The following TRAF3IP3 variants were observed in gnomAD, a reference collection of about 807,000 sequenced individuals.
The protein encoded by TRAF3IP3 is TRAF3 interacting protein 3.
TRAF3IP3 carries 64 observed loss-of-function variants against 86.5 expected under a neutral mutation model. The observed-to-expected ratio is 0.74, with a 90% CI of 0.60 to 0.91. The LOEUF is 0.91. Ranked by LOEUF, TRAF3IP3 falls within the 40% of genes least tolerant of loss-of-function variation. TRAF3IP3 has a pLI of 0.00. For missense variants in TRAF3IP3, 579 were observed against 642.9 expected (o/e 0.90, Z 1.07); for synonymous variants, 220 against 243.9 (o/e 0.90, Z 0.91).
intron 8 of TRAF3IP3, among the ~76,000 whole-genome samples, chr1:209,764,800 A>AT (rs970619949): frequency 6.6e-6 from 1 of 152,006 alleles, no homozygotes; most frequent in Non-Finnish European, 1.5e-5. Context: ...TGGTTCTCCA[A>AT]TTTTTTTATT....
chr1:209,781,943 A>G, intron 16 of TRAF3IP3, 113 bp from the exon 17 acceptor site: 3 of 822,482 alleles, frequency 3.6e-6, no homozygotes, highest in Admixed American at 2.3e-5. Flanking sequence ...CTTTTTCTCC[A>G]CCACCAACCC....
chr1:209,769,691 G>A (rs185027243), intron 8 of TRAF3IP3, among the ~76,000 whole-genome samples: 6 of 152,268 alleles, frequency 3.9e-5, no homozygotes, highest in South Asian at 2.1e-4. Flanking sequence ...CCTCAAAGCC[G>A]AGCCCCCTCC....
In TRAF3IP3 at chr1:209,762,808, C is replaced by A. The variant is rs1420023415; in HGVS notation, c.494-5C>A. 1 of 1,614,102 alleles carries A rather than the reference C, an allele frequency of 6.2e-7. No individual in the cohort carries two copies. The highest frequency in any genetic ancestry group is 2.2e-5 in the East Asian group (1 of 44,900). On this transcript the variant is annotated splice_polypyrimidine_tract_variant and splice_region_variant and intron_variant, in intron 4 of 16. Transcript: ENST00000367025. ...TTCTAAATCAACTTATCCTCCATCTCTCAGGTACTCAGACAAAGGCAGAAG... is the reference window on the plus strand; with the variant it reads ...TTCTAAATCAACTTATCCTCCATCTATCAGGTACTCAGACAAAGGCAGAAG...
chr1:209,773,036 A>T lies in TRAF3IP3; in HGVS notation c.774+17A>T. 6.3e-7 allele frequency: 1 copy of T among 1,581,680 alleles called. No individual in the cohort carries two copies. Among genetic ancestry groups the T allele is most frequent in the Non-Finnish European group, 8.6e-7 (1 of 1,164,480 alleles). ...TGTACCCAGGTAAGCATTCTGAAGG[A>T]TACTTCCATCTCAGGAATCTAGAAT... On this transcript the variant is annotated intron_variant, in intron 9 of 16. Transcript: ENST00000367025.
At chr1:209,763,212 T>A in intron 6 of TRAF3IP3, 120 bp downstream of exon 6, 2 of 1,377,780 alleles carry the variant, frequency 1.5e-6, no homozygotes, top group South Asian at 2.3e-5. Flanking sequence ...GGCAAGGGGG[T>A]ACTGAGCATA....
intron 8 of TRAF3IP3, chr1:209,768,301 C>T (rs568971306): frequency 2.7e-5 from 27 of 985,320 alleles, no homozygotes; most frequent in Non-Finnish European, 3.0e-5. Context: ...GCTTCACCTC[C>T]GGATGTCTCT....
chr1:209,765,928 T>C (rs1214260459), intron 8 of TRAF3IP3, among the ~76,000 whole-genome samples: 3 of 152,230 alleles, frequency 2.0e-5, no homozygotes, highest in South Asian at 2.1e-4. Context: ...AGAATCCCCA[T>C]GTTGAAACCT....
chr1:209,763,469 GCA>G, intron 7 of TRAF3IP3, 21 bp from the exon 8 acceptor site: 1 of 1,613,566 alleles, frequency 6.2e-7, no homozygotes, highest in Non-Finnish European at 8.5e-7. Flanking sequence ...TTACCCTCTT[GCA>G]CTTTGTGCCC....
intron 8 of TRAF3IP3, among the ~76,000 whole-genome samples, chr1:209,771,652 T>G (rs2077532076): frequency 7.1e-6 from 1 of 140,794 alleles, no homozygotes. Flanking sequence ...CATGTGAAGG[T>G]GTGCATGTGA....
intron 8 of TRAF3IP3, among the ~76,000 whole-genome samples, chr1:209,771,478 TGGA>T (rs1350750786): frequency 7.1e-6 from 1 of 140,788 alleles, no homozygotes; most frequent in Non-Finnish European, 1.5e-5. Context: ...CGTGTGCATA[TGGA>T]GGTGTGCGTG....
intron 9 of TRAF3IP3, 108 bp downstream of exon 9, chr1:209,773,127 C>T (rs2077581177): frequency 1.1e-6 from 1 of 941,730 alleles, no homozygotes; most frequent in African/African-American, 1.7e-5. Context: ...TAGAGAATAA[C>T]ACACCCATTC....
At chr1:209,762,971 T>A (rs145911641) in intron 5 of TRAF3IP3, 97 bp from the exon 6 acceptor site, 7 of 1,595,186 alleles carry the variant, frequency 4.4e-6, no homozygotes, top group Non-Finnish European at 6.0e-6. Context: ...AGGAAGCCCT[T>A]CCCCACCCTA....
At chr1:209,769,519 G>C (rs1486930311) in intron 8 of TRAF3IP3, among the ~76,000 whole-genome samples, 2 of 152,162 alleles carry the variant, frequency 1.3e-5, no homozygotes, top group East Asian at 1.9e-4. Flanking sequence ...AACACTTTTT[G>C]CTTTTGCAAG....
chr1:209,779,343 T>G lies in TRAF3IP3; in HGVS notation c.1281T>G (p.Leu427=). ...TGCTTCAAAATCAATCCTTACAGCT[T>G]CAAGAACAGGAGAAACTCTTAACAA... ...QGLLQNQSLQ[L]QEQEKLLTKK... The change falls in exon 14 of 17, where the codon CTT becomes CTG. Residue 427 remains leucine, a synonymous_variant. Transcript: ENST00000367025. 6.2e-7 allele frequency: 1 copy of G among 1,614,184 alleles called. No individual in the cohort carries two copies. The highest frequency in any genetic ancestry group is 8.5e-7 in the Non-Finnish European group (1 of 1,179,988).
At chr1:209,775,903 C>A in intron 11 of TRAF3IP3, 167 bp downstream of exon 11, 1 of 637,154 alleles carries the variant, frequency 1.6e-6, no homozygotes, top group Non-Finnish European at 2.6e-6. Flanking sequence ...GCTCTGAAAT[C>A]TAATTTTGAG....
chr1:209,768,043 A>T, intron 8 of TRAF3IP3: 1 of 752,148 alleles, frequency 1.3e-6, no homozygotes, highest in Non-Finnish European at 1.6e-6. Flanking sequence ...TTTTTCAGTT[A>T]ACAGCTATTG....
At chr1:209,758,553 T>C (rs1348532024) in intron 1 of TRAF3IP3, 1 of 152,240 alleles carries the variant, frequency 6.6e-6, no homozygotes, top group Non-Finnish European at 1.5e-5. Flanking sequence ...GCAGAGAGTC[T>C]GCTACCTGTT....
intron 8 of TRAF3IP3, among the ~76,000 whole-genome samples, chr1:209,767,096 C>T (rs2077371479): frequency 6.6e-6 from 1 of 152,152 alleles, no homozygotes; most frequent in African/African-American, 2.4e-5. Flanking sequence ...GGATCTCAGA[C>T]AGGTCTTTAG....
At chr1:209,772,266 A>G (rs2077560632) in intron 8 of TRAF3IP3, among the ~76,000 whole-genome samples, 1 of 152,188 alleles carries the variant, frequency 6.6e-6, no homozygotes, top group Non-Finnish European at 1.5e-5. Context: ...TTCCTGGCTT[A>G]CAGATTGCCA....
Sources: gnomAD v4.1 joint callset for allele counts (sites outside exome capture counted in the v4.1 genomes callset) on GRCh38, gnomAD v4.1.1 for gene constraint, MANE v1.5 for transcripts, NCBI Gene and HGNC (gene_info 2026-07-23, HGNC 2026-07-21) for gene names.